Variants in HTR2C observed in about 807,000 individuals in gnomAD.
The protein encoded by HTR2C is 5-hydroxytryptamine receptor 2C, also known as 5-hydroxytryptamine (serotonin) receptor 2C, G protein-coupled.
A neutral mutation model predicts 21.0 loss-of-function variants in HTR2C; 5 were observed. That is an observed-to-expected ratio of 0.24 (90% CI 0.12 to 0.50). The LOEUF (loss-of-function observed/expected upper bound fraction) is 0.50, where lower values mean the gene tolerates loss of function less well. HTR2C is among the 20% of genes least tolerant of loss of function. The probability of loss-of-function intolerance (pLI) is 0.98; values close to 1 mark genes in which losing one functional copy is unlikely to be tolerated. For synonymous variants in HTR2C, 150 were observed against 145.3 expected (o/e 1.03, Z -0.23); for missense variants, 271 against 371.2 (o/e 0.73, Z 2.22).
At position 114,584,523 on chromosome X, in the gene HTR2C, G is replaced by A. The variant is rs782178635; in HGVS notation, c.-283G>A. ...CATTCCTCTCCCTCCGCCGAGGCGC[G>A]AGGTTGCGGCGCGCAGCGCAGCGCA... On this transcript the variant is annotated 5_prime_UTR_variant, in exon 1 of 6. Transcript: ENST00000276198. 5.3e-5 allele frequency: 6 copies of A among 113,119 alleles called. No individual in the cohort carries two copies. Among genetic ancestry groups the A allele is most frequent in the African/African-American group, 1.9e-4 (6 of 31,218 alleles). The allele number at this position is 113,119 out of a possible 1,213,427, so 9.3% of individuals were successfully genotyped here.
intron 2 of HTR2C, among the ~76,000 whole-genome samples, chrX:114,633,858 C>A (rs782770910): frequency 9.4e-6 from 1 of 106,161 alleles, no homozygotes; most frequent in Non-Finnish European, 1.9e-5. Flanking sequence ...GCAGATAAAA[C>A]TATTGTTTTA....
intron 2 of HTR2C, among the ~76,000 whole-genome samples, chrX:114,673,512 A>T (rs1931453529): frequency 9.0e-6 from 1 of 111,511 alleles, no homozygotes; most frequent in African/African-American, 3.3e-5. Context: ...TAAAATCAGA[A>T]AAGAAAAAAG....
At chrX:114,629,897 A>G (rs1333655897) in intron 2 of HTR2C, among the ~76,000 whole-genome samples, 3 of 111,365 alleles carry the variant, frequency 2.7e-5, no homozygotes, top group African/African-American at 9.8e-5. Flanking sequence ...TGGTGGGAAC[A>G]CTATTAATTA....
chrX:114,815,573 A>G (rs1401529317), intron 4 of HTR2C, among the ~76,000 whole-genome samples: 1 of 111,679 alleles, frequency 9.0e-6, no homozygotes, highest in Non-Finnish European at 1.9e-5. Flanking sequence ...CTAAGCCAGG[A>G]TGAGGACATG....
chrX:114,730,254 C>A (rs897771643), intron 3 of HTR2C, among the ~76,000 whole-genome samples: 1 of 111,811 alleles, frequency 8.9e-6, no homozygotes, highest in African/African-American at 3.2e-5. Flanking sequence ...CAAATGACAA[C>A]CACATCCATC....
intron 2 of HTR2C, among the ~76,000 whole-genome samples, chrX:114,615,359 A>G (rs1280500793): frequency 4.8e-5 from 5 of 103,153 alleles, no homozygotes; most frequent in African/African-American, 1.8e-4. Flanking sequence ...AGCTTTCCAG[A>G]GGGGAAAAAA....
chrX:114,620,296 G>C (rs969331663), intron 2 of HTR2C, among the ~76,000 whole-genome samples: 27 of 112,147 alleles, frequency 2.4e-4, no homozygotes, highest in African/African-American at 8.7e-4. Context: ...TTTTGAATAA[G>C]TTTCACTTGC....
chrX:114,620,951 C>T (rs1171168438), intron 2 of HTR2C, among the ~76,000 whole-genome samples: 2 of 111,290 alleles, frequency 1.8e-5, no homozygotes, highest in African/African-American at 6.5e-5. Flanking sequence ...ACGATCTTGG[C>T]CTCACTGCAA....
intron 5 of HTR2C, among the ~76,000 whole-genome samples, chrX:114,893,507 G>T (rs181748759): frequency 2.6e-4 from 29 of 111,103 alleles, no homozygotes; most frequent in Admixed American, 1.2e-3. Context: ...TGGTATAAAA[G>T]AATTAACCTT....
chrX:114,858,318 C>T (rs1182262588), intron 5 of HTR2C, among the ~76,000 whole-genome samples: 1 of 111,238 alleles, frequency 9.0e-6, no homozygotes, highest in East Asian at 2.8e-4. Flanking sequence ...AATACTATGG[C>T]TTCCAATCCA....
rs918576096 is a variant in HTR2C at position 114,757,895 on chromosome X, A to G, written c.349+26288A>G. Among the ~76,000 whole-genome samples, 4 of 111,574 alleles carry G rather than the reference A, an allele frequency of 3.6e-5. No homozygotes were observed. In the Admixed American group the frequency reaches 3.8e-4, roughly 11 times the overall value. On this transcript the variant is annotated intron_variant, in intron 4 of 5. Coordinates refer to ENST00000276198, the MANE Select transcript of HTR2C (RefSeq NM_000868.4). ...CTTGCCAGCCTGCTAAGATACCTGT[A>G]AAGAGGTAGATGTGTGTTCTCCACC... is the stretch of plus-strand genomic sequence containing the variant.
At chrX:114,810,215 A>T (rs782044411) in intron 4 of HTR2C, among the ~76,000 whole-genome samples, 25 of 111,399 alleles carry the variant, frequency 2.2e-4, no homozygotes, top group Admixed American at 2.1e-3. Context: ...AGTCTCTCCC[A>T]GAGCTGTGAG....
intron 4 of HTR2C, among the ~76,000 whole-genome samples, chrX:114,834,525 C>G: frequency 9.0e-6 from 1 of 110,611 alleles, no homozygotes; most frequent in East Asian, 2.9e-4. Flanking sequence ...GATTGCAACC[C>G]CTGCTTTTCT....
chrX:114,653,872 A>G (rs1160905378), intron 2 of HTR2C, among the ~76,000 whole-genome samples: 1 of 111,029 alleles, frequency 9.0e-6, no homozygotes, highest in Non-Finnish European at 1.9e-5. Context: ...TGACTTCTGA[A>G]TGTACATAGT....
intron 4 of HTR2C, among the ~76,000 whole-genome samples, chrX:114,779,468 A>G (rs782540459): frequency 1.7e-4 from 19 of 111,561 alleles, no homozygotes; most frequent in Non-Finnish European, 2.6e-4. Context: ...GATGTTTTCC[A>G]TATAGGTTGG....
At chrX:114,729,985 G>A (rs1205752612) in intron 3 of HTR2C, among the ~76,000 whole-genome samples, 1 of 111,768 alleles carries the variant, frequency 8.9e-6, no homozygotes, top group African/African-American at 3.2e-5. Context: ...TATAGGAAAT[G>A]TATCCTCATG....
At chrX:114,682,137 A>G (rs73638455) in intron 2 of HTR2C, among the ~76,000 whole-genome samples, 1,278 of 111,419 alleles carry the variant, frequency 0.011, 14 homozygotes, top group African/African-American at 0.039. Flanking sequence ...GCATTCAGAG[A>G]AAAGGATTTA....
chrX:114,663,840 G>A (rs1396491233), intron 2 of HTR2C, among the ~76,000 whole-genome samples: 1 of 111,529 alleles, frequency 9.0e-6, no homozygotes, highest in African/African-American at 3.3e-5. Context: ...AGACTGCGGG[G>A]GTGAGGGCAG....
At position 114,661,730 on chromosome X, in the gene HTR2C, C is replaced by T. The variant is rs889957370; in HGVS notation, c.-80+47849C>T. ...CATCTGCATTCTGACCTCCTTTTGGCGTCCAGAGATCTCAAATCCTTGAGC... is the reference window on the plus strand; with the variant it reads ...CATCTGCATTCTGACCTCCTTTTGGTGTCCAGAGATCTCAAATCCTTGAGC... On this transcript the variant is annotated intron_variant, in intron 2 of 5. Coordinates refer to ENST00000276198, the MANE Select transcript of HTR2C (RefSeq NM_000868.4). Among the ~76,000 whole-genome samples the T allele has an allele frequency of 1.8e-5, 2 of 111,101 alleles. 1 individual carries two copies. Among genetic ancestry groups the T allele is most frequent in the South Asian group, 7.7e-4 (2 of 2,609 alleles).
Sources: allele counts gnomAD v4.1 joint callset (sites outside exome capture counted in the v4.1 genomes callset), GRCh38; gene constraint gnomAD v4.1.1; transcripts MANE v1.5; gene names NCBI Gene and HGNC (gene_info 2026-07-23, HGNC 2026-07-21).